The following SCRIB variants were observed in gnomAD, a reference collection of about 807,000 sequenced individuals.
SCRIB encodes the protein protein scribble homolog.
Under a neutral mutation model 170.0 loss-of-function variants are expected in SCRIB, and 72 were observed. That is an observed-to-expected ratio of 0.42 (90% CI 0.35 to 0.52). The LOEUF is 0.52. Ranked by LOEUF, SCRIB falls within the 20% of genes least tolerant of loss-of-function variation. The probability of loss-of-function intolerance (pLI) is 0.02; values close to 1 mark genes in which losing one functional copy is unlikely to be tolerated. For synonymous variants in SCRIB, 1,298 were observed against 1,044.3 expected, an observed-to-expected ratio of 1.24 and a Z score of -4.68; for missense variants, 2,475 against 2,338.5, an observed-to-expected ratio of 1.06 and a Z score of -1.20.
rs1563808802 is a variant in SCRIB, at chr8:143,813,526, G to A, written c.447C>T (p.Asn149=). 5 of 1,613,264 alleles carry A rather than the reference G, an allele frequency of 3.1e-6. No individual in the cohort carries two copies. Among genetic ancestry groups the A allele is most frequent in the Middle Eastern group, 1.6e-4 (1 of 6,062 alleles). ...SLQALPGDVG[N]LANLVTLELR... is the part of the protein sequence containing the mutation. ...GCTCCAGGGTCACCAGGTTGGCGAG[G>A]CTGAAAGAGAGACCAGGCGCTGGGG... Residue 149 remains asparagine, a splice_region_variant and synonymous_variant, in exon 5 of 37, where the codon AAC becomes AAT. Transcript: ENST00000356994.
chr8:143,812,531 C>CG (rs1424663324), intron 8 of SCRIB, 147 bp from the exon 9 acceptor site: 17 of 604,184 alleles, frequency 2.8e-5, no homozygotes, highest in African/African-American at 4.1e-5. Flanking sequence ...ACCTACCTTG[C>CG]CCCACAAGCC....
rs201700942 is a variant in SCRIB at position 143,791,379 on chromosome 8, C to G, written c.4822+10G>C. ...TCCTGGGAGCTCACCCCAGCCCGGC[C>G]CCAACTCACCAGGGCTGGGAGATGG... On this transcript the variant is annotated intron_variant, in intron 36 of 36. Transcript: ENST00000356994. 3 of 1,607,998 alleles carry G rather than the reference C, an allele frequency of 1.9e-6. No homozygotes were observed. The highest frequency in any genetic ancestry group is 2.5e-6 in the Non-Finnish European group (3 of 1,177,948).
chr8:143,815,096 A>T, intron 1 of SCRIB, 118 bp downstream of exon 1: 1 of 1,200,510 alleles, frequency 8.3e-7, no homozygotes, highest in Non-Finnish European at 1.1e-6. Flanking sequence ...GGACCTGGCC[A>T]GTGCAAACCA....
At chr8:143,813,407 G>A (rs756239892) in intron 5 of SCRIB, 33 bp from the exon 6 acceptor site, 13 of 1,612,054 alleles carry the variant, frequency 8.1e-6, no homozygotes, top group Admixed American at 5.0e-5. Flanking sequence ...GTGTGGCCAC[G>A]CAGCCCTGGT....
Position 143,813,322 on chromosome 8 carries a change from G to A in SCRIB, c.556C>T (p.Leu186=), listed in dbSNP as rs1815842511. ...AGGCCTCCACGCACCAGCACTTCCA[G>A]ATCGTTGCCTCCCAGATCCAGCTGT... ...LEQLDLGGND[L]EVLPDTLGAL... Residue 186 remains leucine (L), a synonymous_variant, in exon 6 of 37, where the codon CTG becomes TTG. Transcript: ENST00000356994. 3.7e-6 allele frequency: 6 copies of A among 1,613,548 alleles called. No homozygotes were observed. The highest frequency in any genetic ancestry group is 5.1e-6 in the Non-Finnish European group (6 of 1,180,026).
Position 143,793,372 on chromosome 8 carries a change from G to A in SCRIB, c.3910-289C>T, listed in dbSNP as rs1284303389. On this transcript the variant is annotated intron_variant, in intron 28 of 36. Coordinates refer to ENST00000356994, the MANE Select transcript of SCRIB (RefSeq NM_182706.5). The stretch of plus-strand genomic sequence containing the variant: ...AAGGCAGGTGGGGGCGGCGGGGGCA[G>A]AGGAGAGCAGGATCAGGGGTTTAAG... The A allele has an allele frequency of 2.0e-5, 7 of 356,270 alleles. No homozygotes were observed. In the South Asian group the frequency reaches 6.8e-4, roughly 35 times the overall value. The allele number at this position is 356,270 out of a possible 1,614,324, so 22.1% of individuals were successfully genotyped here.
At chr8:143,806,854 T>C (rs1815448013) in intron 17 of SCRIB, 70 bp downstream of exon 17, 1 of 1,090,834 alleles carries the variant, frequency 9.2e-7, no homozygotes, top group Non-Finnish European at 1.3e-6. Context: ...AAGGGGCCTG[T>C]GTGCCATCAG....
rs1816053736 is a variant in SCRIB, at chr8:143,815,542, G to A, written c.-170C>T. On this transcript the variant is annotated 5_prime_UTR_variant, in exon 1 of 37. Transcript: ENST00000356994. The stretch of plus-strand genomic sequence containing the variant: ...GCGGCCGGCGCTGGGCCCGGCCCGC[G>A]CTCGGAACGCTCGGACTGCGGGCCT... 1.0e-6 allele frequency: 1 copy of A among 981,338 alleles called. No individual in the cohort carries two copies. Among genetic ancestry groups the A allele is most frequent in the Non-Finnish European group, 1.2e-6 (1 of 828,284 alleles). The allele number at this position is 981,338 out of a possible 1,614,324, so 60.8% of individuals were successfully genotyped here.
rs782761665 is a variant in SCRIB, at chr8:143,803,467, C to T, written c.3519G>A (p.Ala1173=). ...QSLLGLTHGE[A]VQLLRSVGDT... is the part of the protein sequence containing the mutation. ...CGCCCACACTGCGGAGCAGCTGCAC[C>T]GCCTCGCCGTGCGTCAGGCCCAGCA... Residue 1173 remains alanine, a synonymous_variant, in exon 24 of 37, where the codon GCG becomes GCA. Transcript: ENST00000356994. 5.5e-5 allele frequency: 88 copies of T among 1,598,902 alleles called. No homozygotes were observed. The highest frequency in any genetic ancestry group is 1.3e-4 in the Admixed American group (8 of 59,772).
At chr8:143,793,819 G>A (rs1814820267) in intron 28 of SCRIB, 81 bp downstream of exon 28, 1 of 1,421,602 alleles carries the variant, frequency 7.0e-7, no homozygotes, top group Non-Finnish European at 9.8e-7. Context: ...CCCATCCCTG[G>A]AGGAGGGGCC....
At chr8:143,804,541 G>C in intron 21 of SCRIB, 27 bp downstream of exon 21, 1 of 1,486,928 alleles carries the variant, frequency 6.7e-7, no homozygotes, top group Non-Finnish European at 8.9e-7. Flanking sequence ...AGCTGGGTGG[G>C]TGCCTGGGTG....
chr8:143,813,571 G>A (rs773501764), intron 4 of SCRIB, 45 bp from the exon 5 acceptor site: 4 of 1,612,526 alleles, frequency 2.5e-6, no homozygotes, highest in East Asian at 4.5e-5. Context: ...GGAAAGCAGT[G>A]GCAGCAGGGG....
At chr8:143,814,360 C>G (rs1424533397) in intron 1 of SCRIB, among the ~76,000 whole-genome samples, 1 of 152,008 alleles carries the variant, frequency 6.6e-6, no homozygotes, top group South Asian at 2.1e-4. Flanking sequence ...TGAGAAGACA[C>G]CTGCTGGCGA....
In SCRIB at chr8:143,812,906, T is replaced by A; in HGVS notation, c.698A>T (p.Glu233Val). The A allele has an allele frequency of 6.2e-7, 1 of 1,611,878 alleles. No individual in the cohort carries two copies. Among genetic ancestry groups the A allele is most frequent in the South Asian group, 1.1e-5 (1 of 91,050 alleles). Reference protein sequence around the residue: ...VCLDVSENRLEELPAELGGLV... With the variant: ...VCLDVSENRLVELPAELGGLV... ...CCCGCCGAGCTCAGCAGGCAGCTCC[T>A]CCAGCCGGTTTTCCGACACGTCCAG... The change falls in exon 8 of 37, where the codon GAG becomes GTG. Residue 233 changes from glutamate (E) to valine (V), a missense_variant. By Grantham distance (121) the Glu-to-Val change is moderately radical. Around this residue, in one of 3 missense-constraint regions of SCRIB, gnomAD observed 487 missense variants for 558.1 expected, o/e 0.87. Transcript: ENST00000356994.
In SCRIB at chr8:143,815,513, G is replaced by A; in HGVS notation, c.-141C>T. 1.0e-6 allele frequency: 1 copy of A among 984,542 alleles called. No individual in the cohort carries two copies. The highest frequency in any genetic ancestry group is 1.2e-6 in the Non-Finnish European group (1 of 830,246). 61.0% of individuals were successfully genotyped at this position (984,542 alleles called of 1,614,324 possible). A position where few individuals can be genotyped will look rare whatever the true frequency, so the allele number is the denominator to read the frequency against. On this transcript the variant is annotated 5_prime_UTR_variant, in exon 1 of 37. Transcript: ENST00000356994. ...GCCGCCCGAGACTGGACGGGGACGCGGCCGCGGCCGGCGCTGGGCCCGGCC... is the reference window on the plus strand; with the variant it reads ...GCCGCCCGAGACTGGACGGGGACGCAGCCGCGGCCGGCGCTGGGCCCGGCC...
intron 24 of SCRIB, among the ~76,000 whole-genome samples, chr8:143,801,479 G>A (rs1445445897): frequency 2.0e-5 from 3 of 152,170 alleles, no homozygotes; most frequent in African/African-American, 4.8e-5. Flanking sequence ...GAATCCAGAA[G>A]TCATAAAGAA....
At chr8:143,813,604 C>A (rs1470755294) in intron 4 of SCRIB, 33 bp downstream of exon 4, 1 of 1,612,056 alleles carries the variant, frequency 6.2e-7, no homozygotes, top group Non-Finnish European at 8.5e-7. Flanking sequence ...TGGTCCCCCA[C>A]CCCACCCTAG....
intron 6 of SCRIB, 69 bp downstream of exon 6, chr8:143,813,242 C>A: frequency 6.2e-7 from 1 of 1,601,998 alleles, no homozygotes; most frequent in Non-Finnish European, 8.5e-7. Flanking sequence ...GATCTGCTCG[C>A]TGTCCCCTTC....
In SCRIB at chr8:143,804,612, G is replaced by T; in HGVS notation, c.2965C>A (p.Pro989Thr). Reference sequence around the variant, plus strand: ...TCCAACGCGGCAGCCAGCAGGCTGGGGGCCAGGCTCGGCAACCCAGGCACC... The same window carrying T: ...TCCAACGCGGCAGCCAGCAGGCTGGTGGCCAGGCTCGGCAACCCAGGCACC... ...PGVPGLPSLA[P>T]SLLAAALEGP... Residue 989 changes from proline (P) to threonine (T), a missense_variant, in exon 21 of 37, where the codon CCC becomes ACC. Pro to Thr is a conservative substitution (Grantham distance 38). Transcript: ENST00000356994. 1 of 1,521,552 alleles carries T rather than the reference G, an allele frequency of 6.6e-7. No individual in the cohort carries two copies. The highest frequency in any genetic ancestry group is 8.8e-7 in the Non-Finnish European group (1 of 1,137,094). 94.3% of individuals were successfully genotyped at this position (1,521,552 alleles called of 1,614,324 possible). A position where few individuals can be genotyped will look rare whatever the true frequency, so the allele number is the denominator to read the frequency against.
Sources: gnomAD v4.1 joint callset for allele counts (sites outside exome capture counted in the v4.1 genomes callset) on GRCh38, gnomAD v4.1.1 for gene constraint, gnomAD v4.1.1 regional missense constraint, MANE v1.5 for transcripts, NCBI Gene and HGNC (gene_info 2026-07-23, HGNC 2026-07-21) for gene names.